NSD2: variants seen among roughly 807,000 people sequenced by gnomAD.
NSD2 encodes nuclear receptor binding SET domain protein 2, also known as histone-lysine N-methyltransferase NSD2.
A neutral mutation model predicts 139.0 loss-of-function variants in NSD2; 12 were observed. The ratio of observed to expected loss-of-function variants is 0.09; its 90% confidence interval spans 0.06 to 0.14. The LOEUF (loss-of-function observed/expected upper bound fraction) is 0.14, where lower values mean the gene tolerates loss of function less well. NSD2 is among the 10% of genes least tolerant of loss of function. The pLI, the probability that NSD2 is intolerant of heterozygous loss-of-function variation, is 1.00. For synonymous variants in NSD2, 669 were observed against 648.7 expected (o/e 1.03, Z -0.48); for missense variants, 1,155 against 1,745.0 (o/e 0.66, Z 6.02).
intron 5 of NSD2, among the ~76,000 whole-genome samples, chr4:1,927,516 G>A (rs1381141241): frequency 4.0e-5 from 6 of 151,898 alleles, no homozygotes; most frequent in South Asian, 2.1e-4. Flanking sequence ...TCAGGAGTTC[G>A]AGACCAGCCT....
At chr4:1,943,635 A>C (rs2108911095) in intron 9 of NSD2, 1 of 1,047,444 alleles carries the variant, frequency 9.5e-7, no homozygotes, top group South Asian at 4.6e-5. Flanking sequence ...CAAATGTTGC[A>C]GGATACATAG....
At position 1,976,210 on chromosome 4, in the gene NSD2, TCTGCTGAGATG is replaced by T. The variant is rs377608761; in HGVS notation, c.3622-252_3622-242del. On this transcript the variant is annotated intron_variant, in intron 20 of 21. Coordinates refer to ENST00000508803, the MANE Select transcript of NSD2 (RefSeq NM_001042424.3). This position sits in a 1 kb window ranked among gnomAD's most constrained non-coding sequence, Gnocchi z 5.3. ...CATCAGCAGATCCTGGAGCTGTGTG[TCTGCTGAGATG>T]CTGCTGAGATGCGTCATTGCAGGCT... 27 of 471,640 alleles carry T rather than the reference TCTGCTGAGATG, an allele frequency of 5.7e-5. No individual in the cohort carries two copies. Among genetic ancestry groups the T allele is most frequent in the East Asian group, 4.3e-4 (11 of 25,716 alleles). The allele number at this position is 471,640 out of a possible 1,614,324, so 29.2% of individuals were successfully genotyped here. A position where few individuals can be genotyped will look rare whatever the true frequency, so the allele number is the denominator to read the frequency against.
intron 11 of NSD2, 102 bp downstream of exon 11, chr4:1,952,333 C>T: frequency 6.6e-7 from 1 of 1,515,618 alleles, no homozygotes; most frequent in Non-Finnish European, 8.9e-7. Flanking sequence ...AGGACAAGCC[C>T]CCTCCCCACC....
intron 11 of NSD2, 135 bp from the exon 12 acceptor site, chr4:1,953,188 GT>G: frequency 1.3e-6 from 2 of 1,563,480 alleles, no homozygotes; most frequent in Non-Finnish European, 1.7e-6. Flanking sequence ...AGTGAGCAAG[GT>G]TGGAAACAGG....
At chr4:1,949,141 A>G (rs1327490382) in intron 9 of NSD2, among the ~76,000 whole-genome samples, 1 of 152,180 alleles carries the variant, frequency 6.6e-6, no homozygotes, top group Non-Finnish European at 1.5e-5. Flanking sequence ...TGCTGAGTCC[A>G]TATCTGATGC....
At chr4:1,977,233 G>A (rs1342341880) in intron 21 of NSD2, among the ~76,000 whole-genome samples, 2 of 152,220 alleles carry the variant, frequency 1.3e-5, no homozygotes, top group Non-Finnish European at 2.9e-5. Context: ...AAGTAGAGTG[G>A]GCTCCACCTT....
chr4:1,903,273 C>CA lies in NSD2; in HGVS notation c.598-942dup, dbSNP rs984073774. ...AGATTCACCCTTGGAGGGTTGGGGC[C>CA]ATGCTGGCTGTGCTTATTTCCACTG... On this transcript the variant is annotated intron_variant, in intron 2 of 21. Transcript: ENST00000508803. Among the ~76,000 whole-genome samples the CA allele has an allele frequency of 2.3e-4, 35 of 152,334 alleles. 1 individual carries two copies. The highest frequency in any genetic ancestry group is 8.4e-4 in the African/African-American group (35 of 41,584).
intron 7 of NSD2, among the ~76,000 whole-genome samples, chr4:1,935,869 A>G (rs1263701424): frequency 6.6e-6 from 1 of 152,036 alleles, no homozygotes; most frequent in South Asian, 2.1e-4. Flanking sequence ...TCAAAAAAAA[A>G]CAAACAAAAA....
chr4:1,971,372 A>G (rs1288455557), intron 18 of NSD2, among the ~76,000 whole-genome samples: 1 of 152,118 alleles, frequency 6.6e-6, no homozygotes, highest in South Asian at 2.1e-4. Context: ...CCACTGGCCT[A>G]TGGGATCCAG....
chr4:1,935,188 G>T lies in NSD2; in HGVS notation c.1600G>T (p.Asp534Tyr). The T allele has an allele frequency of 6.2e-7, 1 of 1,613,570 alleles. No homozygotes were observed. Among genetic ancestry groups the T allele is most frequent in the Non-Finnish European group, 8.5e-7 (1 of 1,179,738 alleles). The change falls in exon 7 of 22, where the codon GAC (aspartate) becomes TAC (tyrosine). Residue 534 changes from aspartate to tyrosine, a missense_variant. Physicochemically the swap from Asp to Tyr is radical, Grantham distance 160. Transcript: ENST00000508803. ...KKRNHTKRIQDPTEDAEAEDT... is the reference protein window; with the variant it reads ...KKRNHTKRIQYPTEDAEAEDT... ...AAGAAACCACACAAAGAGGATACAG[G>T]ACCCTACAGAAGATGCTGAAGCTGA...
intron 5 of NSD2, among the ~76,000 whole-genome samples, chr4:1,921,002 C>T (rs1182271442): frequency 6.6e-6 from 1 of 152,196 alleles, no homozygotes; most frequent in Non-Finnish European, 1.5e-5. Context: ...CATGCCATTG[C>T]ACTCTAGTCT....
At chr4:1,881,205 G>A (rs375203591) in intron 1 of NSD2, among the ~76,000 whole-genome samples, 2 of 152,052 alleles carry the variant, frequency 1.3e-5, no homozygotes, top group African/African-American at 2.4e-5. Context: ...AGCCTCCTGC[G>A]TAGCTGGGAC....
chr4:1,878,067 A>C (rs1714392813), intron 1 of NSD2, among the ~76,000 whole-genome samples: 1 of 150,582 alleles, frequency 6.6e-6, no homozygotes, highest in African/African-American at 2.4e-5. Context: ...ATATATATAC[A>C]CACACACTTC....
intron 1 of NSD2, among the ~76,000 whole-genome samples, chr4:1,872,625 A>AGAGAGAGAGAGAGAGG (rs1560534095): frequency 1.4e-5 from 2 of 144,222 alleles, no homozygotes; most frequent in South Asian, 2.2e-4. Context: ...AGAGAGAGAG[A>AGAGAGAGAGAGAGAGG]GAGAGAGAGA....
At chr4:1,963,627 G>A (rs182052530) in intron 18 of NSD2, among the ~76,000 whole-genome samples, 1 of 152,340 alleles carries the variant, frequency 6.6e-6, no homozygotes, top group Admixed American at 6.5e-5. Flanking sequence ...TCCTGACATG[G>A]TAATCCACCT....
chr4:1,980,476 C>T lies in NSD2; in HGVS notation c.*1567C>T, dbSNP rs2109042176. 8.6e-6 allele frequency: 2 copies of T among 233,206 alleles called. No homozygotes were observed. The highest frequency in any genetic ancestry group is 4.4e-5 in the African/African-American group (2 of 45,444). 14.4% of individuals were successfully genotyped at this position (233,206 alleles called of 1,614,324 possible). On this transcript the variant is annotated 3_prime_UTR_variant, in exon 22 of 22. Transcript: ENST00000508803. ...CTTGCAGAGAAGTTTACAGAACTCC[C>T]CTTGAAAACTGCTGCTGAGGCTCCT...
Position 1,942,323 on chromosome 4 carries a change from C to G in NSD2, c.1881+2545C>G. On this transcript the variant is annotated intron_variant, in intron 9 of 21. Transcript: ENST00000508803. This position sits in a 1 kb window ranked among gnomAD's most constrained non-coding sequence, Gnocchi z 4.0. ...GTAGAGCAAATTCTTATTTTTTTCGCCTTCACTGGTAACAGCTTTTGTGGG... is the reference window on the plus strand; with the variant it reads ...GTAGAGCAAATTCTTATTTTTTTCGGCTTCACTGGTAACAGCTTTTGTGGG... 1.9e-6 allele frequency: 3 copies of G among 1,612,114 alleles called. No homozygotes were observed. Among genetic ancestry groups the G allele is most frequent in the South Asian group, 1.1e-5 (1 of 90,544 alleles).
At position 1,945,696 on chromosome 4, in the gene NSD2, T is replaced by G. The variant is rs561303266; in HGVS notation, c.1882-5376T>G. 112 of 1,063,216 alleles carry G rather than the reference T, an allele frequency of 1.1e-4. 3 individuals carry two copies. The South Asian group carries it at 4.3e-3, about 41-fold the overall frequency. The allele number at this position is 1,063,216 out of a possible 1,614,324, so 65.9% of individuals were successfully genotyped here. On this transcript the variant is annotated intron_variant, in intron 9 of 21. Transcript: ENST00000508803. ...AATGAGGGAAAAGTCCTTGGCTCGTTTGATCCAGTTGAGTTGAAAGGGTTG... is the reference window on the plus strand; with the variant it reads ...AATGAGGGAAAAGTCCTTGGCTCGTGTGATCCAGTTGAGTTGAAAGGGTTG...
At position 1,889,157 on chromosome 4, in the gene NSD2, C is replaced by T. The variant is rs2108694122; in HGVS notation, c.-29-11469C>T. 2.0e-5 allele frequency among the ~76,000 whole-genome samples: 3 copies of T among 152,154 alleles called. 1 individual carries two copies. The Middle Eastern group carries it at 0.01, about 525-fold the overall frequency. On this transcript the variant is annotated intron_variant, in intron 1 of 21. Coordinates refer to ENST00000508803, the MANE Select transcript of NSD2 (RefSeq NM_001042424.3). ...AGGTGATCCACCCGCTTTGGCCTCCCAAAGTGCTGGGATTACAGGCGTGAG... is the reference window on the plus strand; with the variant it reads ...AGGTGATCCACCCGCTTTGGCCTCCTAAAGTGCTGGGATTACAGGCGTGAG...
Sources: gnomAD v4.1 joint callset for allele counts (sites outside exome capture counted in the v4.1 genomes callset) on GRCh38, gnomAD v4.1.1 for gene constraint, Gnocchi (gnomAD v3.1) non-coding constraint, MANE v1.5 for transcripts, NCBI Gene and HGNC (gene_info 2026-07-23, HGNC 2026-07-21) for gene names.